The following ACVR1B variants were observed in gnomAD, a reference collection of about 807,000 sequenced individuals.
The protein encoded by ACVR1B is activin receptor type-1B.
ACVR1B carries 15 observed loss-of-function variants against 55.6 expected under a neutral mutation model. The ratio of observed to expected loss-of-function variants is 0.27; its 90% confidence interval spans 0.18 to 0.42. The LOEUF (loss-of-function observed/expected upper bound fraction) is 0.42. ACVR1B is among the 10% of genes least tolerant of loss of function. The pLI is 1.00. For synonymous variants in ACVR1B, 247 were observed against 254.6 expected (o/e 0.97, Z 0.28); for missense variants, 359 against 670.1 (o/e 0.54, Z 5.13).
chr12:51,971,952 T>G (rs146571064), intron 1 of ACVR1B, among the ~76,000 whole-genome samples: 77 of 152,354 alleles, frequency 5.1e-4, no homozygotes, highest in African/African-American at 1.8e-3. Flanking sequence ...CTGATAGAGC[T>G]GAAACTTGAA....
rs372791622 is a variant in ACVR1B at position 51,983,959 on chromosome 12, A to G, written c.812-40A>G. The G allele has an allele frequency of 5.2e-4, 835 of 1,610,346 alleles. 15 individuals carry two copies. The highest frequency in any genetic ancestry group is 9.3e-5 in the Non-Finnish European group (109 of 1,177,054). The stretch of plus-strand genomic sequence containing the variant: ...TACCAACCTTCACTGTTTTGCTGAT[A>G]GTTACACTTTTTCTGGGACTCATCT... On this transcript the variant is annotated intron_variant, in intron 4 of 8. Coordinates refer to ENST00000257963, the MANE Select transcript of ACVR1B (RefSeq NM_004302.5).
chr12:51,990,858 G>C (rs1214653458), intron 7 of ACVR1B, among the ~76,000 whole-genome samples: 2 of 152,296 alleles, frequency 1.3e-5, no homozygotes, highest in East Asian at 3.9e-4. Flanking sequence ...TGCTTAGGTA[G>C]AGTTCACATA....
chr12:51,970,804 C>T (rs1434588515), intron 1 of ACVR1B, among the ~76,000 whole-genome samples: 1 of 152,104 alleles, frequency 6.6e-6, no homozygotes, highest in African/African-American at 2.4e-5. Flanking sequence ...TCTAGCGTAC[C>T]TAAACAGGAC....
chr12:51,951,731 GGCGGT>G lies in ACVR1B; in HGVS notation c.-11_-7del. On this transcript the variant is annotated 5_prime_UTR_variant, in exon 1 of 9. Transcript: ENST00000257963. Reference sequence around the variant, plus strand: ...GCTGGGCTGCGGCGGCGGCGGCGGCGGCGGTGGTTACTATGGCGGAGTCGGCCGGA... The same window carrying G: ...GCTGGGCTGCGGCGGCGGCGGCGGCGGGTTACTATGGCGGAGTCGGCCGGA... The G allele has an allele frequency of 8.1e-7, 1 of 1,234,054 alleles. No homozygotes were observed. 76.4% of individuals were successfully genotyped at this position (1,234,054 alleles called of 1,614,324 possible).
chr12:51,984,057 G>C lies in ACVR1B; in HGVS notation c.870G>C (p.Leu290=). The change falls in exon 5 of 9, where the codon CTG becomes CTC. Residue 290 remains leucine, a synonymous_variant. Coordinates refer to ENST00000257963, the MANE Select transcript of ACVR1B (RefSeq NM_004302.5). ...LVSDYHEHGS[L]FDYLNRYTVT... is the part of the protein sequence containing the mutation. ...CTGACTATCATGAGCACGGGTCCCT[G>C]TTTGATTATCTGAACCGGTACACAG... 6.2e-7 allele frequency: 1 copy of C among 1,614,208 alleles called. No individual in the cohort carries two copies. Among genetic ancestry groups the C allele is most frequent in the South Asian group, 1.1e-5 (1 of 91,090 alleles).
intron 1 of ACVR1B, among the ~76,000 whole-genome samples, chr12:51,974,741 G>T (rs527255903): frequency 6.6e-6 from 1 of 152,306 alleles, no homozygotes; most frequent in Admixed American, 6.5e-5. Flanking sequence ...GACAATAATG[G>T]AGTGGTCAGG....
In ACVR1B at chr12:51,992,072, AG is replaced by A. The variant is rs746700043; in HGVS notation, c.1392+81del. On this transcript the variant is annotated intron_variant, in intron 8 of 8. Transcript: ENST00000257963. ...AAAAGGGTTTCTTGACAATGGGGTC[AG>A]GCCCCAGAGGAGCCCCCTGAGAGTG... 3.2e-6 allele frequency: 5 copies of A among 1,575,484 alleles called. No homozygotes were observed. In the South Asian group the frequency reaches 4.5e-5, roughly 14 times the overall value.
In ACVR1B at chr12:51,977,783, A is replaced by ATT. The variant is rs748536892; in HGVS notation, c.580+1230_580+1231dup. On this transcript the variant is annotated intron_variant, in intron 3 of 8. Transcript: ENST00000257963. ...CAGGCATGTGCCACCAAGCCTGGCA[A>ATT]TTTTTTTTTTTTTTTTTTTTTTTGT... Among the ~76,000 whole-genome samples, 372 of 102,996 alleles carry ATT rather than the reference A, an allele frequency of 3.6e-3. 2 individuals carry two copies. The highest frequency in any genetic ancestry group is 7.4e-3 in the African/African-American group (193 of 25,984). 67.6% of individuals were successfully genotyped at this position (102,996 alleles called of 152,430 possible).
At chr12:51,981,560 G>A (rs974505218) in intron 4 of ACVR1B, among the ~76,000 whole-genome samples, 3 of 152,106 alleles carry the variant, frequency 2.0e-5, no homozygotes, top group African/African-American at 4.8e-5. Context: ...GGCTGGGCGC[G>A]GTGGCTCACG....
chr12:51,992,158 T>C (rs3058), intron 8 of ACVR1B, 165 bp downstream of exon 8: 20,243 of 879,564 alleles, frequency 0.023, 307 homozygotes, highest in Non-Finnish European at 0.026. Context: ...AGGGCTACAG[T>C]CTCTTGTCCT....
At chr12:51,958,498 C>T (rs956363043) in intron 1 of ACVR1B, among the ~76,000 whole-genome samples, 1 of 151,940 alleles carries the variant, frequency 6.6e-6, no homozygotes, top group Non-Finnish European at 1.5e-5. Flanking sequence ...AAAAATTAGC[C>T]GGGCATGGTA....
intron 1 of ACVR1B, among the ~76,000 whole-genome samples, chr12:51,969,468 C>A (rs904132315): frequency 1.3e-5 from 2 of 152,114 alleles, no homozygotes; most frequent in African/African-American, 4.8e-5. Context: ...TCCAGAAAGA[C>A]CCTGGTTGCT....
chr12:51,953,281 C>A (rs575961637), intron 1 of ACVR1B: 2 of 935,446 alleles, frequency 2.1e-6, no homozygotes, highest in East Asian at 2.3e-4. Context: ...GAAAAGACAC[C>A]ATGCCACTTT....
chr12:51,983,702 T>C (rs1942025419), intron 4 of ACVR1B, among the ~76,000 whole-genome samples: 1 of 152,198 alleles, frequency 6.6e-6, no homozygotes, highest in Admixed American at 6.5e-5. Flanking sequence ...GCCTCCTCTT[T>C]CCTGAGTACC....
intron 8 of ACVR1B, among the ~76,000 whole-genome samples, chr12:51,993,073 T>C (rs74093026): frequency 1.3e-5 from 2 of 152,366 alleles, no homozygotes; most frequent in African/African-American, 4.8e-5. Context: ...CATGTATGTA[T>C]TGTGACATGA....
chr12:51,982,046 A>T (rs2120671470), intron 4 of ACVR1B, among the ~76,000 whole-genome samples: 1 of 152,232 alleles, frequency 6.6e-6, no homozygotes, highest in Admixed American at 6.5e-5. Context: ...CTTATGTGCC[A>T]GGCACCTCCC....
chr12:51,973,725 A>G (rs1319346960), intron 1 of ACVR1B, among the ~76,000 whole-genome samples: 1 of 152,238 alleles, frequency 6.6e-6, no homozygotes, highest in East Asian at 1.9e-4. Context: ...ACTCTGAAGC[A>G]AGAGGCTGCA....
intron 1 of ACVR1B, among the ~76,000 whole-genome samples, chr12:51,962,981 C>G (rs921463555): frequency 6.6e-6 from 1 of 151,918 alleles, no homozygotes; most frequent in African/African-American, 2.4e-5. Context: ...TCAGAGATTC[C>G]CGGACACGGT....
intron 7 of ACVR1B, among the ~76,000 whole-genome samples, chr12:51,989,100 A>G (rs1592261775): frequency 6.6e-6 from 1 of 152,206 alleles, no homozygotes; most frequent in South Asian, 2.1e-4. Context: ...TATTAAAAAT[A>G]CAAAAATTAG....
Sources: allele counts gnomAD v4.1 joint callset (sites outside exome capture counted in the v4.1 genomes callset), GRCh38; gene constraint gnomAD v4.1.1; transcripts MANE v1.5; gene names NCBI Gene and HGNC (gene_info 2026-07-23, HGNC 2026-07-21).